Variants in PDE1C observed in about 807,000 individuals in gnomAD.
The protein encoded by PDE1C is dual specificity calcium/calmodulin-dependent 3',5'-cyclic nucleotide phosphodiesterase 1C.
Under a neutral mutation model 93.1 loss-of-function variants are expected in PDE1C, and 62 were observed. That is an observed-to-expected ratio of 0.67 (90% CI 0.54 to 0.82). The LOEUF (loss-of-function observed/expected upper bound fraction) is 0.82, where lower values mean the gene tolerates loss of function less well. PDE1C is among the 40% of genes least tolerant of loss of function. The pLI, the probability that PDE1C is intolerant of heterozygous loss-of-function variation, is 0.00. For synonymous variants in PDE1C, 325 were observed against 310.1 expected (o/e 1.05, Z -0.50); for missense variants, 742 against 884.6 (o/e 0.84, Z 2.04).
chr7:31,848,690 G>A (rs1048151324), intron 8 of PDE1C, among the ~76,000 whole-genome samples: 1 of 152,142 alleles, frequency 6.6e-6, no homozygotes, highest in Non-Finnish European at 1.5e-5. Flanking sequence ...ACACACGACT[G>A]TATAATATTT....
chr7:32,104,845 C>T (rs573410654), intron 3 of PDE1C, among the ~76,000 whole-genome samples: 1 of 152,202 alleles, frequency 6.6e-6, no homozygotes, highest in Admixed American at 6.5e-5. Context: ...ATACTGGTCA[C>T]GTCCAAAGTA....
At chr7:32,310,710 C>A (rs1447856471) in intron 1 of PDE1C, among the ~76,000 whole-genome samples, 1 of 151,786 alleles carries the variant, frequency 6.6e-6, no homozygotes, top group Non-Finnish European at 1.5e-5. Flanking sequence ...CCAACGAGAA[C>A]AAAGACACAA....
upstream of PDE1C, chr7:32,071,281 A>T: frequency 1.0e-6 from 1 of 985,452 alleles, no homozygotes; most frequent in Non-Finnish European, 1.2e-6. Flanking sequence ...GGGCACGCAG[A>T]AGCCGCGAGG....
At chr7:31,655,688 C>G in the PDE1C span, 1 of 978,408 alleles carries the variant, frequency 1.0e-6, no homozygotes, top group Non-Finnish European at 1.2e-6. Context: ...TATATCATGG[C>G]TCAGCTCCCA....
chr7:32,119,535 T>G (rs961598357), intron 3 of PDE1C, among the ~76,000 whole-genome samples: 1 of 151,830 alleles, frequency 6.6e-6, no homozygotes, highest in African/African-American at 2.4e-5. Context: ...AACCAGAGGC[T>G]CCCATCAAAA....
intron 3 of PDE1C, among the ~76,000 whole-genome samples, chr7:32,129,332 C>A (rs1317258635): frequency 6.7e-6 from 1 of 148,358 alleles, no homozygotes. Flanking sequence ...TTTGAGAAAA[C>A]ATACACAAAT....
chr7:32,360,986 G>A (rs760904237), intron 1 of PDE1C, among the ~76,000 whole-genome samples: 1 of 152,170 alleles, frequency 6.6e-6, no homozygotes, highest in Non-Finnish European at 1.5e-5. Context: ...AAAAACAATC[G>A]TAGGAAGGAG....
chr7:32,403,131 A>G (rs1198345621), intron 1 of PDE1C, among the ~76,000 whole-genome samples: 1 of 152,164 alleles, frequency 6.6e-6, no homozygotes, highest in African/African-American at 2.4e-5. Flanking sequence ...CATCCCACGA[A>G]TTTCTAAAAG....
chr7:32,200,591 C>A (rs868362218), intron 2 of PDE1C, among the ~76,000 whole-genome samples: 30 of 152,218 alleles, frequency 2.0e-4, no homozygotes, highest in Admixed American at 5.2e-4. Flanking sequence ...AACAACTACC[C>A]ATTTTGCTCA....
At chr7:32,296,626 C>T (rs1812618648) in intron 1 of PDE1C, among the ~76,000 whole-genome samples, 1 of 152,152 alleles carries the variant, frequency 6.6e-6, no homozygotes. Flanking sequence ...ACCAACTCTT[C>T]TAACAGAAAG....
chr7:32,010,385 A>G lies in PDE1C; in HGVS notation c.128+41169T>C, dbSNP rs375986331. Reference sequence around the variant, plus strand: ...TTAACAGAGGTAAAATAGCAATTCAATGGAGAAAGATAATCTTTTCAACAA... The same window carrying G: ...TTAACAGAGGTAAAATAGCAATTCAGTGGAGAAAGATAATCTTTTCAACAA... On this transcript the variant is annotated intron_variant, in intron 2 of 17. Transcript: ENST00000396191. 1.6e-4 allele frequency among the ~76,000 whole-genome samples: 24 copies of G among 152,352 alleles called. 3 individuals carry two copies. Among genetic ancestry groups the G allele is most frequent in the Admixed American group, 2.0e-4 (3 of 15,306 alleles).
chr7:32,106,543 T>C (rs528520332), intron 3 of PDE1C, among the ~76,000 whole-genome samples: 50 of 152,234 alleles, frequency 3.3e-4, no homozygotes, highest in African/African-American at 1.1e-3. Flanking sequence ...CTCCATACTT[T>C]ACCACCACAT....
At chr7:32,329,321 G>A (rs1179739103) in intron 1 of PDE1C, among the ~76,000 whole-genome samples, 1 of 152,186 alleles carries the variant, frequency 6.6e-6, no homozygotes, top group Admixed American at 6.5e-5. Flanking sequence ...GCTCTGAGAT[G>A]CTCAGAGGAG....
At chr7:31,733,504 G>C in the PDE1C span, among the ~76,000 whole-genome samples, 1 of 152,174 alleles carries the variant, frequency 6.6e-6, no homozygotes, top group Non-Finnish European at 1.5e-5. Flanking sequence ...AGAGAATCAG[G>C]TGACTTGCCC....
chr7:32,358,071 G>C (rs1412032101), intron 1 of PDE1C, among the ~76,000 whole-genome samples: 2 of 152,224 alleles, frequency 1.3e-5, no homozygotes, highest in Non-Finnish European at 2.9e-5. Context: ...CTAAGAGAAA[G>C]TGCCCGGCAC....
chr7:31,739,532 G>A, the PDE1C span, among the ~76,000 whole-genome samples: 1 of 152,096 alleles, frequency 6.6e-6, no homozygotes, highest in Admixed American at 6.6e-5. Context: ...TAATCATTCC[G>A]GCTGCTAGGA....
intron 3 of PDE1C, among the ~76,000 whole-genome samples, chr7:32,128,507 G>A (rs1799715872): frequency 6.6e-6 from 1 of 151,890 alleles, no homozygotes; most frequent in South Asian, 2.1e-4. Context: ...AAACACATAT[G>A]AAAGAAGAAA....
At chr7:31,842,077 A>C (rs1048330181) in intron 9 of PDE1C, among the ~76,000 whole-genome samples, 4 of 152,122 alleles carry the variant, frequency 2.6e-5, no homozygotes, top group Non-Finnish European at 5.9e-5. Flanking sequence ...AAACACCCTC[A>C]CAGAAACAAC....
At chr7:32,244,874 C>T (rs1212409467) in intron 1 of PDE1C, among the ~76,000 whole-genome samples, 1 of 152,210 alleles carries the variant, frequency 6.6e-6, no homozygotes, top group African/African-American at 2.4e-5. Flanking sequence ...AGAGCCTGCC[C>T]AGCTGCCCAC....
Sources: allele counts gnomAD v4.1 joint callset (sites outside exome capture counted in the v4.1 genomes callset), GRCh38; gene constraint gnomAD v4.1.1; transcripts MANE v1.5; gene names NCBI Gene and HGNC (gene_info 2026-07-23, HGNC 2026-07-21).